The following CIMIP2A variants were observed in gnomAD, a reference collection of about 807,000 sequenced individuals.
CIMIP2A encodes family with sequence similarity 166 member A.
chr9:137,245,654 T>A, the CIMIP2A span: 1 of 1,607,344 alleles, frequency 6.2e-7, no homozygotes. Flanking sequence ...TAGTGGGGGA[T>A]GTAGGGCTCC....
the CIMIP2A span, among the ~76,000 whole-genome samples, chr9:137,248,692 C>A: frequency 2.6e-5 from 4 of 151,946 alleles, no homozygotes; most frequent in Non-Finnish European, 5.9e-5. Context: ...CATGGGGAAA[C>A]CCCACCTCTA....
chr9:137,253,589 T>G, the CIMIP2A span: 1 of 1,094,392 alleles, frequency 9.1e-7, no homozygotes, highest in Non-Finnish European at 1.2e-6. Flanking sequence ...TCCATTCAGC[T>G]GCCCCTGAAA....
the CIMIP2A span, chr9:137,244,414 T>C: frequency 6.4e-7 from 1 of 1,556,754 alleles, no homozygotes; most frequent in African/African-American, 1.4e-5. Context: ...CTCCCAGCCT[T>C]CTGCATCCCC....
chr9:137,244,648 CTT>C, the CIMIP2A span: 2 of 1,613,844 alleles, frequency 1.2e-6, no homozygotes, highest in Non-Finnish European at 1.7e-6. Flanking sequence ...CTACCTGGCT[CTT>C]GTCGAATTCG....
chr9:137,249,473 G>T, the CIMIP2A span, among the ~76,000 whole-genome samples: 5 of 152,190 alleles, frequency 3.3e-5, no homozygotes, highest in African/African-American at 9.7e-5. Flanking sequence ...CCTTGGTAGG[G>T]CCTTTTGTTA....
At chr9:137,248,900 C>G in the CIMIP2A span, among the ~76,000 whole-genome samples, 1 of 151,954 alleles carries the variant, frequency 6.6e-6, no homozygotes, top group African/African-American at 2.4e-5. Context: ...AAAAGGCAAA[C>G]TAAAAAACTG....
chr9:137,251,800 C>T, the CIMIP2A span: 1 of 1,597,790 alleles, frequency 6.3e-7, no homozygotes, highest in Non-Finnish European at 8.5e-7. Context: ...GAGACACAGC[C>T]CCCAAAGATG....
chr9:137,253,571 G>T, the CIMIP2A span: 1 of 1,256,310 alleles, frequency 8.0e-7, no homozygotes, highest in South Asian at 1.8e-5. Context: ...TTTCCCTGTT[G>T]AGGGGTCTCC....
chr9:137,245,887 T>G, the CIMIP2A span: 1 of 1,466,500 alleles, frequency 6.8e-7, no homozygotes. Context: ...AGGGCAGGTC[T>G]CAAGGGCAGC....
chr9:137,252,737 G>T, the CIMIP2A span: 1 of 1,555,454 alleles, frequency 6.4e-7, no homozygotes, highest in Non-Finnish European at 8.7e-7. Flanking sequence ...CTGCCACTCC[G>T]CTTCCAAGAC....
the CIMIP2A span, chr9:137,247,519 G>T: frequency 3.9e-5 from 30 of 763,682 alleles, no homozygotes; most frequent in Non-Finnish European, 6.2e-5. Flanking sequence ...CCCACAGACT[G>T]CAGTGCCCCG....
the CIMIP2A span, among the ~76,000 whole-genome samples, chr9:137,248,011 C>T: frequency 6.6e-6 from 1 of 152,202 alleles, no homozygotes; most frequent in Non-Finnish European, 1.5e-5. Context: ...TGGGCTCTTG[C>T]TGCCCCCAGG....
At chr9:137,249,018 G>T in the CIMIP2A span, among the ~76,000 whole-genome samples, 102,092 of 150,092 alleles carry the variant, frequency 0.68, 35,221 homozygotes, top group Admixed American at 0.77. Flanking sequence ...GACTAATATG[G>T]TTTTTTTTTT....
chr9:137,248,260 GAA>G, the CIMIP2A span, among the ~76,000 whole-genome samples: 1 of 152,166 alleles, frequency 6.6e-6, no homozygotes, highest in Non-Finnish European at 1.5e-5. Flanking sequence ...AAAAATGAAG[GAA>G]GGCGGCCAGG....
the CIMIP2A span, among the ~76,000 whole-genome samples, chr9:137,248,086 G>A: frequency 1.3e-5 from 2 of 152,246 alleles, no homozygotes; most frequent in East Asian, 1.9e-4. Context: ...TCTGACAGGA[G>A]GCCTTGCAGC....
chr9:137,244,336 C>CT, the CIMIP2A span: 2 of 1,611,124 alleles, frequency 1.2e-6, no homozygotes, highest in Non-Finnish European at 1.7e-6. Context: ...GGCAGGCAAA[C>CT]AGATAGTCAA....
the CIMIP2A span, chr9:137,243,747 G>C: frequency 1.1e-5 from 18 of 1,613,990 alleles, no homozygotes; most frequent in African/African-American, 1.3e-5. Context: ...TAGGCCCTCC[G>C]GGTGCTGTTG....
chr9:137,251,719 C>T, the CIMIP2A span: 1 of 1,554,594 alleles, frequency 6.4e-7, no homozygotes, highest in Non-Finnish European at 8.7e-7. Context: ...GAGACAGTGG[C>T]TGCTGGTCTC....
chr9:137,246,431 A>T, the CIMIP2A span, among the ~76,000 whole-genome samples: 2 of 152,212 alleles, frequency 1.3e-5, no homozygotes. Context: ...CTCAGGGTCT[A>T]TGTGATCTTT....
Sources: gnomAD v4.1 joint callset for allele counts (sites outside exome capture counted in the v4.1 genomes callset) on GRCh38, gnomAD v4.1.1 for gene constraint, MANE v1.5 for transcripts, NCBI Gene and HGNC (gene_info 2026-07-23, HGNC 2026-07-21) for gene names.